Variants in PREX2 observed in about 807,000 individuals in gnomAD.
PREX2 encodes phosphatidylinositol-3,4,5-trisphosphate dependent Rac exchange factor 2.
In PREX2, 107 loss-of-function variants were observed where a neutral mutation model predicts 203.2. The ratio of observed to expected loss-of-function variants is 0.53; its 90% CI spans 0.45 to 0.62. The LOEUF (loss-of-function observed/expected upper bound fraction) is 0.62, where lower values mean the gene tolerates loss of function less well. Among genes scored for constraint, PREX2 ranks in the 20% least tolerant of loss-of-function variants. The pLI is 0.00. For synonymous variants in PREX2, 672 were observed against 663.6 expected (o/e 1.01, Z -0.19); for missense variants, 1,777 against 1,955.9 (o/e 0.91, Z 1.72).
At position 68,233,574 on chromosome 8, in the gene PREX2, C is replaced by A. The variant is rs1442406748; in HGVS notation, c.*2196C>A. 1.3e-5 allele frequency: 2 copies of A among 152,088 alleles called. No individual in the cohort carries two copies. Among genetic ancestry groups the A allele is most frequent in the African/African-American group, 2.4e-5 (1 of 41,394 alleles). 9.4% of individuals were successfully genotyped at this position (152,088 alleles called of 1,614,324 possible). On this transcript the variant is annotated 3_prime_UTR_variant, in exon 40 of 40. Coordinates refer to ENST00000288368, the MANE Select transcript of PREX2 (RefSeq NM_024870.4). ...AACATCAGTCACTCTAACTTCTGATCGTAATAAAAATTGTAGCTAACACTT... is the reference window on the plus strand; with the variant it reads ...AACATCAGTCACTCTAACTTCTGATAGTAATAAAAATTGTAGCTAACACTT...
chr8:68,105,460 A>T (rs1165848870), intron 23 of PREX2: 21 of 1,172,794 alleles, frequency 1.8e-5, no homozygotes, highest in Non-Finnish European at 2.3e-5. Context: ...AGGCATTTGT[A>T]TTGAGCTACA....
intron 37 of PREX2, among the ~76,000 whole-genome samples, chr8:68,204,057 A>C (rs1275109456): frequency 6.6e-6 from 1 of 152,020 alleles, no homozygotes; most frequent in African/African-American, 2.4e-5. Flanking sequence ...ACCAAAATAG[A>C]AATGAAATAA....
intron 1 of PREX2, among the ~76,000 whole-genome samples, chr8:67,997,922 T>A (rs1444256827): frequency 2.0e-5 from 3 of 152,188 alleles, no homozygotes; most frequent in South Asian, 2.1e-4. Flanking sequence ...TTATAAATGA[T>A]AATATTATTA....
intron 11 of PREX2, among the ~76,000 whole-genome samples, chr8:68,065,253 C>T (rs985717539): frequency 6.6e-6 from 1 of 152,174 alleles, no homozygotes; most frequent in South Asian, 2.1e-4. Flanking sequence ...TTGGGCTCAA[C>T]TTCTTGAGTT....
rs1809492429 is a variant in PREX2, at chr8:68,080,654, T to C, written c.1785+69T>C. On this transcript the variant is annotated intron_variant, in intron 16 of 39. Coordinates refer to ENST00000288368, the MANE Select transcript of PREX2 (RefSeq NM_024870.4). ...CACTAGCAGAAGACTGCGTTAAACATGTTTGACGGTGATGCACATTACTTC... is the reference window on the plus strand; with the variant it reads ...CACTAGCAGAAGACTGCGTTAAACACGTTTGACGGTGATGCACATTACTTC... 4 of 1,457,820 alleles carry C rather than the reference T, an allele frequency of 2.7e-6. No homozygotes were observed. The South Asian group carries it at 3.7e-5, about 13-fold the overall frequency. 90.3% of individuals were successfully genotyped at this position (1,457,820 alleles called of 1,614,324 possible).
chr8:67,958,329 A>AAGG (rs1319019931), intron 1 of PREX2, among the ~76,000 whole-genome samples: 5 of 152,120 alleles, frequency 3.3e-5, no homozygotes, highest in Admixed American at 6.5e-5. Flanking sequence ...CTGGCTCCTA[A>AAGG]AGGAGGAGGA....
chr8:68,021,626 A>G (rs995310909), intron 3 of PREX2, among the ~76,000 whole-genome samples: 8 of 152,240 alleles, frequency 5.3e-5, no homozygotes, highest in African/African-American at 1.9e-4. Flanking sequence ...TCATGGATTC[A>G]TATACCTGGA....
chr8:67,977,549 C>T (rs945579565), intron 1 of PREX2, among the ~76,000 whole-genome samples: 8 of 152,012 alleles, frequency 5.3e-5, no homozygotes, highest in African/African-American at 1.9e-4. Context: ...TTTTGGAATC[C>T]CAGGAGTGAC....
chr8:68,048,131 A>G (rs977752787), intron 8 of PREX2, among the ~76,000 whole-genome samples: 3 of 152,070 alleles, frequency 2.0e-5, no homozygotes, highest in East Asian at 3.9e-4. Flanking sequence ...CCATTCAACC[A>G]TTCTTCAGAT....
rs1212722987 is a variant in PREX2, at chr8:68,121,001, C to T, written c.3676C>T (p.Pro1226Ser). 1 of 1,613,760 alleles carries T rather than the reference C, an allele frequency of 6.2e-7. No homozygotes were observed. Among genetic ancestry groups the T allele is most frequent in the Admixed American group, 1.7e-5 (1 of 59,992 alleles). The change falls in exon 30 of 40, where the codon CCC becomes TCC. Residue 1226 changes from proline (P) to serine (S), a missense_variant. Transcript: ENST00000288368. ...TATCAAGCAAGATCCTTGGAATCTT[C>T]CCAGCAGCGTCCGGACTCTTGCTCA... is the stretch of plus-strand genomic sequence containing the variant. The part of the protein sequence containing the change: ...LHIKQDPWNL[P>S]SSVRTLAQNI...
chr8:68,151,671 C>G (rs1374965492), intron 34 of PREX2, among the ~76,000 whole-genome samples: 1 of 151,802 alleles, frequency 6.6e-6, no homozygotes, highest in African/African-American at 2.4e-5. Flanking sequence ...TGTTAAATAC[C>G]TATTTCCTGG....
intron 8 of PREX2, 111 bp from the exon 9 acceptor site, chr8:68,052,986 G>T: frequency 2.3e-6 from 2 of 871,854 alleles, no homozygotes; most frequent in Non-Finnish European, 3.5e-6. Context: ...AAAGCAAAGA[G>T]ATGTTGAACA....
chr8:67,994,601 A>C (rs777497109), intron 1 of PREX2, among the ~76,000 whole-genome samples: 2 of 152,220 alleles, frequency 1.3e-5, no homozygotes, highest in African/African-American at 2.4e-5. Flanking sequence ...AGTGGAGAAA[A>C]GAAAGTTATA....
intron 23 of PREX2, chr8:68,103,617 A>G: frequency 1.9e-6 from 1 of 518,306 alleles, no homozygotes; most frequent in Non-Finnish European, 3.9e-6. Flanking sequence ...CCCTCAACAC[A>G]CTCCAGTGGG....
At chr8:68,066,948 G>A (rs1330497610) in intron 11 of PREX2, among the ~76,000 whole-genome samples, 1 of 152,020 alleles carries the variant, frequency 6.6e-6, no homozygotes, top group Non-Finnish European at 1.5e-5. Context: ...TTTGCATGTA[G>A]ATATCCAGTT....
chr8:68,191,124 A>T (rs1244298884), intron 35 of PREX2, among the ~76,000 whole-genome samples: 1 of 152,166 alleles, frequency 6.6e-6, no homozygotes, highest in Non-Finnish European at 1.5e-5. Context: ...TGAAATAGTC[A>T]TTACCATATT....
chr8:68,090,952 G>A (rs1028232572), intron 20 of PREX2, among the ~76,000 whole-genome samples: 1 of 152,072 alleles, frequency 6.6e-6, no homozygotes, highest in Non-Finnish European at 1.5e-5. Flanking sequence ...GTGATCTGGG[G>A]TATTTTCATT....
At position 67,953,064 on chromosome 8, in the gene PREX2, G is replaced by A. The variant is rs1805397954; in HGVS notation, c.141+529G>A. Among the ~76,000 whole-genome samples the A allele has an allele frequency of 2.0e-5, 3 of 152,106 alleles. No homozygotes were observed. In the South Asian group the frequency reaches 6.2e-4, roughly 31 times the overall value. On this transcript the variant is annotated intron_variant, in intron 1 of 39. Coordinates refer to ENST00000288368, the MANE Select transcript of PREX2 (RefSeq NM_024870.4). ...CTTTAGTTATGGTCTTTGAGACAGA[G>A]GATTCTGGTGTAGGGGTACAGAGAG...
intron 27 of PREX2, among the ~76,000 whole-genome samples, chr8:68,119,141 C>G (rs1414994833): frequency 6.6e-6 from 1 of 152,134 alleles, no homozygotes; most frequent in Non-Finnish European, 1.5e-5. Context: ...TAGGGAAAAT[C>G]TTAATTTTTG....
Sources: gnomAD v4.1 joint callset for allele counts (sites outside exome capture counted in the v4.1 genomes callset) on GRCh38, gnomAD v4.1.1 for gene constraint, MANE v1.5 for transcripts, NCBI Gene and HGNC (gene_info 2026-07-23, HGNC 2026-07-21) for gene names.